Variants in SCLY observed in about 807,000 individuals in gnomAD.
SCLY encodes selenocysteine lyase, also known as putative selenocysteine lyase.
In SCLY, 38 loss-of-function variants were observed where a neutral mutation model predicts 50.1. That is an observed-to-expected ratio of 0.76 (90% CI 0.59 to 0.99). The LOEUF (loss-of-function observed/expected upper bound fraction) is 0.99. SCLY is among the 50% of genes least tolerant of loss of function. SCLY has a pLI of 0.00. For synonymous variants in SCLY, 243 were observed against 249.4 expected, an observed-to-expected ratio of 0.97 and a Z score of 0.24; for missense variants, 600 against 620.0, an observed-to-expected ratio of 0.97 and a Z score of 0.34.
At chr2:238,088,878 G>A (rs2065329907) in intron 7 of SCLY, among the ~76,000 whole-genome samples, 1 of 152,218 alleles carries the variant, frequency 6.6e-6, no homozygotes, top group Non-Finnish European at 1.5e-5. Context: ...GATGTCCACT[G>A]TCACCACACT....
intron 4 of SCLY, chr2:238,079,809 G>A (rs958760102): frequency 5.3e-5 from 8 of 152,116 alleles, no homozygotes; most frequent in African/African-American, 1.9e-4. Context: ...TCTTAGGTAT[G>A]TAGATTAGTG....
At chr2:238,070,085 G>A (rs2065113367) in intron 4 of SCLY, among the ~76,000 whole-genome samples, 2 of 152,226 alleles carry the variant, frequency 1.3e-5, no homozygotes, top group Admixed American at 6.5e-5. Flanking sequence ...CCTCAGGGAG[G>A]AGGAGGCTCG....
chr2:238,076,745 ATTG>A (rs2065179330), intron 4 of SCLY, among the ~76,000 whole-genome samples: 5 of 150,948 alleles, frequency 3.3e-5, no homozygotes, highest in South Asian at 2.1e-4. Flanking sequence ...AAAAGAGTGT[ATTG>A]TTTAATTTCC....
rs1230287039 is a variant in SCLY, at chr2:238,099,035, C to T, written c.*680C>T. The T allele has an allele frequency of 2.9e-6, 1 of 345,920 alleles. No individual in the cohort carries two copies. The highest frequency in any genetic ancestry group is 7.9e-5 in the East Asian group (1 of 12,682). 21.4% of individuals were successfully genotyped at this position (345,920 alleles called of 1,614,324 possible). On this transcript the variant is annotated 3_prime_UTR_variant, in exon 12 of 12. Coordinates refer to ENST00000254663, the MANE Select transcript of SCLY (RefSeq NM_016510.7). ...CCCTCCTGCTTCCCCGAGCCTGACCCTGTTCCGCCCACTGGCAATCAGGGC... is the reference window on the plus strand; with the variant it reads ...CCCTCCTGCTTCCCCGAGCCTGACCTTGTTCCGCCCACTGGCAATCAGGGC...
chr2:238,091,555 CCAAA>C, intron 8 of SCLY: 1 of 347,450 alleles, frequency 2.9e-6, no homozygotes, highest in Non-Finnish European at 5.4e-6. Flanking sequence ...TTCACCATTC[CCAAA>C]GGCGTCGGCA....
rs550685489 is a variant in SCLY, at chr2:238,083,720, C to A, written c.884+366C>A. Among the ~76,000 whole-genome samples the A allele has an allele frequency of 1.3e-5, 2 of 152,312 alleles. No individual in the cohort carries two copies. The highest frequency in any genetic ancestry group is 3.9e-4 in the East Asian group (2 of 5,188). ...AGCAGGACCACACAGAAGCACTGGTCTCCTTTCTGATAGCTCCTGTGTCCC... is the reference window on the plus strand; with the variant it reads ...AGCAGGACCACACAGAAGCACTGGTATCCTTTCTGATAGCTCCTGTGTCCC... On this transcript the variant is annotated intron_variant, in intron 7 of 11. Transcript: ENST00000254663. This position sits in a 1 kb window ranked among gnomAD's most constrained non-coding sequence, Gnocchi z 4.3.
chr2:238,075,117 T>C (rs1325008195), intron 4 of SCLY, among the ~76,000 whole-genome samples: 2 of 152,206 alleles, frequency 1.3e-5, no homozygotes, highest in Non-Finnish European at 2.9e-5. Flanking sequence ...GTTTTTATCA[T>C]GAAAGGGGTG....
intron 7 of SCLY, among the ~76,000 whole-genome samples, chr2:238,086,708 T>TAAA (rs386393003): frequency 0.012 from 1,154 of 97,662 alleles, 23 homozygotes; most frequent in Admixed American, 0.024. Context: ...CCTGTCTCTT[T>TAAA]AAAAAAAAAA....
At chr2:238,079,062 CTTTTTCTTT>C (rs1576668726) in intron 4 of SCLY, 3 of 121,310 alleles carry the variant, frequency 2.5e-5, no homozygotes, top group Admixed American at 1.0e-4. Flanking sequence ...TTCTTTCTTT[CTTTTTCTTT>C]TTTTTTTTTT....
chr2:238,062,360 A>G (rs997311204), intron 1 of SCLY, among the ~76,000 whole-genome samples: 1 of 152,044 alleles, frequency 6.6e-6, no homozygotes, highest in African/African-American at 2.4e-5. Context: ...CCAGAGTGGT[A>G]AAGGATGGCG....
intron 8 of SCLY, chr2:238,093,569 C>G: frequency 2.3e-6 from 1 of 436,272 alleles, no homozygotes; most frequent in Non-Finnish European, 4.2e-6. Context: ...TCCCCTCTTC[C>G]CCTGCTTTTG....
chr2:238,093,821 G>A, intron 8 of SCLY, 40 bp from the exon 9 acceptor site: 1 of 1,582,412 alleles, frequency 6.3e-7, no homozygotes, highest in South Asian at 1.1e-5. Flanking sequence ...CCTTTATTTT[G>A]CAAGAATTGT....
chr2:238,074,529 G>T (rs2065154819), intron 4 of SCLY, among the ~76,000 whole-genome samples: 1 of 152,162 alleles, frequency 6.6e-6, no homozygotes, highest in Non-Finnish European at 1.5e-5. Context: ...TGTTGTCCAG[G>T]CTGGAGTGCA....
intron 2 of SCLY, among the ~76,000 whole-genome samples, chr2:238,065,586 A>G (rs532702114): frequency 7.6e-6 from 1 of 131,068 alleles, no homozygotes; most frequent in African/African-American, 2.5e-5. Context: ...TCGAAATGCA[A>G]AAGAAAAAAA....
At position 238,083,659 on chromosome 2, in the gene SCLY, T is replaced by C. The variant is rs890731833; in HGVS notation, c.884+305T>C. Among the ~76,000 whole-genome samples the C allele has an allele frequency of 3.3e-5, 5 of 152,240 alleles. No homozygotes were observed. Among genetic ancestry groups the C allele is most frequent in the African/African-American group, 1.2e-4 (5 of 41,474 alleles). On this transcript the variant is annotated intron_variant, in intron 7 of 11. Transcript: ENST00000254663. This position sits in a 1 kb window ranked among gnomAD's most constrained non-coding sequence, Gnocchi z 4.3. ...CTGAAGAGAACTGTTGGACCCTTCA[T>C]GGCTGAGGCCTGCTGCTGTTTTAAC...
In SCLY at chr2:238,096,845, G is replaced by C; in HGVS notation, c.1153G>C (p.Gly385Arg). Residue 385 changes from glycine to arginine, a missense_variant, in exon 11 of 12, where the codon GGG becomes CGG. Physicochemically the swap from Gly to Arg is moderately radical, Grantham distance 125. Transcript: ENST00000254663. ...AQCRVLMASV[G>R]AACHSDHGDQ... ...GTGCCGAGTGCTGATGGCCAGTGTGGGGGCCGCGTGCCACTCGGACCACGG... is the reference window on the plus strand; with the variant it reads ...GTGCCGAGTGCTGATGGCCAGTGTGCGGGCCGCGTGCCACTCGGACCACGG... The C allele has an allele frequency of 6.2e-7, 1 of 1,612,532 alleles. No homozygotes were observed. Among genetic ancestry groups the C allele is most frequent in the Non-Finnish European group, 8.5e-7 (1 of 1,179,624 alleles).
chr2:238,098,611 GCCCACA>G lies in SCLY; in HGVS notation c.*257_*262del, dbSNP rs1199523243. ...CACATAGGACCGCCCACATAGGACC[GCCCACA>G]TGGGACCGCCCACATGGGACCGCCC... On this transcript the variant is annotated 3_prime_UTR_variant, in exon 12 of 12. Transcript: ENST00000254663. The G allele has an allele frequency of 3.1e-5, 13 of 416,514 alleles. No homozygotes were observed. Among genetic ancestry groups the G allele is most frequent in the African/African-American group, 1.1e-4 (5 of 44,808 alleles). The allele number at this position is 416,514 out of a possible 1,614,324, so 25.8% of individuals were successfully genotyped here.
chr2:238,089,571 G>A (rs556144636), intron 7 of SCLY, among the ~76,000 whole-genome samples: 1 of 151,970 alleles, frequency 6.6e-6, no homozygotes, highest in African/African-American at 2.4e-5. Context: ...GGCTGCATGC[G>A]GCCCAGGACA....
intron 8 of SCLY, chr2:238,091,539 T>A: frequency 3.0e-5 from 12 of 400,964 alleles, no homozygotes; most frequent in South Asian, 9.5e-5. Context: ...AGTGTCAAGC[T>A]GCAGGTTCAC....
Sources: allele counts gnomAD v4.1 joint callset (sites outside exome capture counted in the v4.1 genomes callset), GRCh38; gene constraint gnomAD v4.1.1; non-coding constraint Gnocchi (gnomAD v3.1); transcripts MANE v1.5; gene names NCBI Gene and HGNC (gene_info 2026-07-23, HGNC 2026-07-21).